MAL: variants seen among roughly 807,000 people sequenced by gnomAD.
MAL encodes myelin and lymphocyte protein.
A neutral mutation model predicts 16.7 loss-of-function variants in MAL; 5 were observed. The ratio of observed to expected loss-of-function variants is 0.30; its 90% CI spans 0.16 to 0.63. The LOEUF is 0.63. Ranked by LOEUF, MAL falls within the 30% of genes least tolerant of loss-of-function variation. The pLI, the probability that MAL is intolerant of heterozygous loss-of-function variation, is 0.82. For synonymous variants in MAL, 96 were observed against 85.5 expected (o/e 1.12, Z -0.67); for missense variants, 202 against 195.8 (o/e 1.03, Z -0.19).
At chr2:95,027,258 C>G (rs1291387278) in intron 1 of MAL, among the ~76,000 whole-genome samples, 11 of 152,264 alleles carry the variant, frequency 7.2e-5, no homozygotes, top group Middle Eastern at 3.4e-3. Flanking sequence ...GGAAAGGTGA[C>G]CGGAGACTCC....
chr2:95,046,631 C>T (rs1366403741), intron 1 of MAL, among the ~76,000 whole-genome samples: 1 of 152,078 alleles, frequency 6.6e-6, no homozygotes, highest in African/African-American at 2.4e-5. Context: ...ATGGGGCTCA[C>T]TGACCCTGGC....
chr2:95,032,988 C>A (rs929533656), intron 1 of MAL, among the ~76,000 whole-genome samples: 1 of 152,210 alleles, frequency 6.6e-6, no homozygotes, highest in Non-Finnish European at 1.5e-5. Flanking sequence ...ACCTCCGCAG[C>A]GGGAAGAGAA....
intron 1 of MAL, among the ~76,000 whole-genome samples, chr2:95,028,005 C>A (rs1673984900): frequency 6.6e-6 from 1 of 152,080 alleles, no homozygotes; most frequent in Non-Finnish European, 1.5e-5. Flanking sequence ...ATTAGGAAAA[C>A]TAAATTGAAA....
intron 1 of MAL, among the ~76,000 whole-genome samples, chr2:95,037,602 G>A (rs1264282709): frequency 2.0e-5 from 3 of 151,564 alleles, no homozygotes; most frequent in Non-Finnish European, 4.4e-5. Context: ...GTGAGTGGGT[G>A]AGTAACAGAG....
intron 1 of MAL, among the ~76,000 whole-genome samples, chr2:95,031,491 A>G (rs1210388970): frequency 1.3e-5 from 2 of 152,206 alleles, no homozygotes; most frequent in Non-Finnish European, 2.9e-5. Flanking sequence ...CTTGGAGCGG[A>G]CATCTCGAGG....
intron 3 of MAL, 83 bp downstream of exon 3, chr2:95,049,789 G>A: frequency 6.4e-7 from 1 of 1,568,432 alleles, no homozygotes; most frequent in Non-Finnish European, 8.7e-7. Flanking sequence ...CTAGGCCCTT[G>A]GTCTGTTTTC....
At chr2:95,053,237 C>G (rs948852011) in intron 3 of MAL, 144 bp from the exon 4 acceptor site, 2 of 690,314 alleles carry the variant, frequency 2.9e-6, no homozygotes, top group African/African-American at 1.8e-5. Flanking sequence ...GCAGGGAGGG[C>G]GTCCATGTGA....
chr2:95,028,639 A>G (rs1297656405), intron 1 of MAL, among the ~76,000 whole-genome samples: 1 of 152,200 alleles, frequency 6.6e-6, no homozygotes, highest in Non-Finnish European at 1.5e-5. Context: ...AGTCTTCACA[A>G]TAACACACAG....
chr2:95,038,652 G>A (rs919029415), intron 1 of MAL, among the ~76,000 whole-genome samples: 3 of 151,340 alleles, frequency 2.0e-5, no homozygotes, highest in African/African-American at 7.3e-5. Context: ...GAGTGAGTGA[G>A]TGACTGTGTG....
chr2:95,033,202 G>A (rs1231943767), intron 1 of MAL, among the ~76,000 whole-genome samples: 2 of 152,208 alleles, frequency 1.3e-5, no homozygotes, highest in Admixed American at 6.5e-5. Flanking sequence ...CACGGGGAAG[G>A]ACAGAAGATG....
At chr2:95,031,959 T>C (rs1444559843) in intron 1 of MAL, among the ~76,000 whole-genome samples, 2 of 152,222 alleles carry the variant, frequency 1.3e-5, no homozygotes, top group Non-Finnish European at 2.9e-5. Flanking sequence ...CCCTGGAAAC[T>C]GCTAAGTGTG....
intron 1 of MAL, among the ~76,000 whole-genome samples, chr2:95,041,537 C>T (rs912232550): frequency 1.2e-4 from 18 of 152,128 alleles, no homozygotes; most frequent in Non-Finnish European, 2.4e-4. Flanking sequence ...TAGTGGCAGC[C>T]GGGTGCTGGT....
chr2:95,032,138 T>C (rs1674099095), intron 1 of MAL, among the ~76,000 whole-genome samples: 2 of 152,210 alleles, frequency 1.3e-5, no homozygotes, highest in Admixed American at 6.5e-5. Flanking sequence ...CTTTCAGAAG[T>C]GAGTAGGAAG....
chr2:95,046,273 GC>G (rs1033407158), intron 1 of MAL, among the ~76,000 whole-genome samples: 45 of 152,268 alleles, frequency 3.0e-4, no homozygotes, highest in African/African-American at 1.0e-3. Context: ...CCCATCCTCA[GC>G]CCCCCAGACA....
chr2:95,028,848 G>T (rs1674012442), intron 1 of MAL, among the ~76,000 whole-genome samples: 1 of 152,198 alleles, frequency 6.6e-6, no homozygotes, highest in Non-Finnish European at 1.5e-5. Flanking sequence ...TACTGGAATA[G>T]ATAAATCCAT....
At chr2:95,030,073 C>T (rs527801964) in intron 1 of MAL, among the ~76,000 whole-genome samples, 11 of 152,330 alleles carry the variant, frequency 7.2e-5, no homozygotes, top group African/African-American at 2.6e-4. Flanking sequence ...TGGAGCGCCA[C>T]TTCCATGGTG....
intron 1 of MAL, among the ~76,000 whole-genome samples, chr2:95,027,433 G>GA (rs1355071764): frequency 6.6e-6 from 1 of 152,190 alleles, no homozygotes; most frequent in Non-Finnish European, 1.5e-5. Context: ...AGCTGACTTA[G>GA]AAAGTCACTT....
Position 95,039,120 on chromosome 2 carries a change from CTGAG to C in MAL, c.94-8815_94-8812del, listed in dbSNP as rs765976536. ...AGTGAGTGAGTAAGTGTCTGAGTGA[CTGAG>C]TGAGTGAGTGAGTGAGTGAGTGACT... On this transcript the variant is annotated intron_variant, in intron 1 of 3. Transcript: ENST00000309988. Among the ~76,000 whole-genome samples the C allele has an allele frequency of 3.0e-3, 212 of 71,358 alleles. 8 individuals carry two copies. Among genetic ancestry groups the C allele is most frequent in the Middle Eastern group, 0.036 (2 of 56 alleles). The allele number at this position is 71,358 out of a possible 152,430, so 46.8% of individuals were successfully genotyped here. A position where few individuals can be genotyped will look rare whatever the true frequency, so the allele number is the denominator to read the frequency against.
At chr2:95,032,133 A>G (rs1191963285) in intron 1 of MAL, among the ~76,000 whole-genome samples, 1 of 152,270 alleles carries the variant, frequency 6.6e-6, no homozygotes, top group African/African-American at 2.4e-5. Context: ...CAGTGCTTTC[A>G]GAAGTGAGTA....
Sources: allele counts gnomAD v4.1 joint callset (sites outside exome capture counted in the v4.1 genomes callset), GRCh38; gene constraint gnomAD v4.1.1; transcripts MANE v1.5; gene names NCBI Gene and HGNC (gene_info 2026-07-23, HGNC 2026-07-21).